CNTNAP2: variants seen among roughly 807,000 people sequenced by gnomAD.
CNTNAP2 encodes contactin-associated protein-like 2.
A neutral mutation model predicts 155.2 loss-of-function variants in CNTNAP2; 98 were observed. The observed-to-expected ratio is 0.63, with a 90% CI of 0.54 to 0.75. The LOEUF (loss-of-function observed/expected upper bound fraction) is 0.75. Ranked by LOEUF, CNTNAP2 falls within the 30% of genes least tolerant of loss-of-function variation. CNTNAP2 has a pLI of 0.00. For synonymous variants in CNTNAP2, 651 were observed against 631.2 expected (o/e 1.03, Z -0.47); for missense variants, 1,727 against 1,688.1 (o/e 1.02, Z -0.40).
chr7:147,447,884 T>C (rs1797767600), intron 10 of CNTNAP2, among the ~76,000 whole-genome samples: 1 of 152,044 alleles, frequency 6.6e-6, no homozygotes, highest in Admixed American at 6.6e-5. Context: ...ATCAAGAAAG[T>C]CCTAATTCAA....
At position 148,375,910 on chromosome 7, in the gene CNTNAP2, G is replaced by A. The variant is rs1364085357; in HGVS notation, c.3476-7739G>A. 1.2e-4 allele frequency among the ~76,000 whole-genome samples: 7 copies of A among 58,454 alleles called. 3 individuals are homozygous for A. The highest frequency in any genetic ancestry group is 1.8e-4 in the Non-Finnish European group (4 of 21,628). The allele number at this position is 58,454 out of a possible 152,430, so 38.3% of individuals were successfully genotyped here. A position where few individuals can be genotyped will look rare whatever the true frequency, so the allele number is the denominator to read the frequency against. ...CAGCTATTCGGGAGGCTGATGCAGA[G>A]AATTGCTTGAACCTGGGAGGTGGAG... On this transcript the variant is annotated intron_variant, in intron 21 of 23. Coordinates refer to ENST00000361727, the MANE Select transcript of CNTNAP2 (RefSeq NM_014141.6).
At chr7:146,718,831 C>T (rs1222988248) in intron 1 of CNTNAP2, among the ~76,000 whole-genome samples, 2 of 152,170 alleles carry the variant, frequency 1.3e-5, no homozygotes, top group East Asian at 3.9e-4. Context: ...GGATTGGTTC[C>T]TTTGACAGTT....
At chr7:147,519,361 T>C (rs950562680) in intron 11 of CNTNAP2, among the ~76,000 whole-genome samples, 1 of 152,180 alleles carries the variant, frequency 6.6e-6, no homozygotes, top group South Asian at 2.1e-4. Context: ...CTTTCACTTG[T>C]TAAGATCCTT....
intron 15 of CNTNAP2, among the ~76,000 whole-genome samples, chr7:148,113,124 TA>T (rs950547003): frequency 2.0e-5 from 3 of 152,126 alleles, no homozygotes; most frequent in African/African-American, 7.2e-5. Context: ...TGCACTGCTG[TA>T]AAAAAATACC....
chr7:146,631,070 C>G (rs1255889063), intron 1 of CNTNAP2, among the ~76,000 whole-genome samples: 4 of 151,994 alleles, frequency 2.6e-5, no homozygotes, highest in Admixed American at 2.6e-4. Flanking sequence ...CTTTAAATTT[C>G]ATATGGACAA....
chr7:147,437,406 T>C (rs976904435), intron 10 of CNTNAP2, among the ~76,000 whole-genome samples: 1 of 152,138 alleles, frequency 6.6e-6, no homozygotes, highest in Non-Finnish European at 1.5e-5. Context: ...TTAGGGAATT[T>C]TCTTTATTTG....
intron 1 of CNTNAP2, among the ~76,000 whole-genome samples, chr7:146,705,669 A>G (rs866177852): frequency 2.6e-5 from 4 of 152,144 alleles, no homozygotes; most frequent in African/African-American, 7.2e-5. Context: ...AAGGAAGAGC[A>G]AAGAGACGTC....
At chr7:147,732,281 T>C (rs1796756144) in intron 13 of CNTNAP2, among the ~76,000 whole-genome samples, 1 of 145,398 alleles carries the variant, frequency 6.9e-6, no homozygotes, top group East Asian at 2.2e-4. Context: ...AATGAGAATA[T>C]GTGGTGTTTG....
intron 21 of CNTNAP2, among the ~76,000 whole-genome samples, chr7:148,362,857 C>T (rs1376979291): frequency 6.6e-6 from 1 of 152,212 alleles, no homozygotes; most frequent in Non-Finnish European, 1.5e-5. Flanking sequence ...GTGCAACTTA[C>T]AACATTTTTA....
intron 21 of CNTNAP2, among the ~76,000 whole-genome samples, chr7:148,370,076 A>C (rs1798858933): frequency 6.6e-6 from 1 of 152,158 alleles, no homozygotes; most frequent in Non-Finnish European, 1.5e-5. Flanking sequence ...ATGACATATA[A>C]TGTGTCTTTG....
intron 14 of CNTNAP2, among the ~76,000 whole-genome samples, chr7:147,920,053 C>T (rs528674586): frequency 6.6e-6 from 1 of 151,792 alleles, no homozygotes; most frequent in Non-Finnish European, 1.5e-5. Context: ...AATAGCTTTG[C>T]AGAAACCTTA....
At chr7:146,634,114 A>G (rs1400971461) in intron 1 of CNTNAP2, among the ~76,000 whole-genome samples, 1 of 152,032 alleles carries the variant, frequency 6.6e-6, no homozygotes, top group Admixed American at 6.6e-5. Flanking sequence ...AATTTCAGTT[A>G]TTTTCTGGTA....
intron 22 of CNTNAP2, among the ~76,000 whole-genome samples, chr7:148,393,237 G>A (rs756031120): frequency 1.3e-5 from 2 of 152,038 alleles, no homozygotes; most frequent in African/African-American, 2.4e-5. Flanking sequence ...AATTATTTCT[G>A]AACAGATCCC....
rs534774430 is a variant in CNTNAP2 at position 147,038,192 on chromosome 7, G to A, written c.403-5715G>A. Among the ~76,000 whole-genome samples the A allele has an allele frequency of 7.1e-4, 108 of 152,082 alleles. No homozygotes were observed. In the South Asian group the frequency reaches 0.015, roughly 21 times the overall value. ...TATAACAATAAAAATAACAACAGAA[G>A]CACAAACTATTGATTTTGAGAATCC... is the stretch of plus-strand genomic sequence containing the variant. On this transcript the variant is annotated intron_variant, in intron 3 of 23. Coordinates refer to ENST00000361727, the MANE Select transcript of CNTNAP2 (RefSeq NM_014141.6).
chr7:146,311,673 AAG>A (rs1800825941), intron 1 of CNTNAP2: 1 of 148,936 alleles, frequency 6.7e-6, no homozygotes, highest in Non-Finnish European at 1.5e-5. Context: ...AAAGAAAGGA[AAG>A]AGAAAGAAAA....
At chr7:146,800,187 A>G (rs1009160735) in intron 2 of CNTNAP2, among the ~76,000 whole-genome samples, 5 of 152,036 alleles carry the variant, frequency 3.3e-5, no homozygotes, top group African/African-American at 1.2e-4. Context: ...ATTCAAACAG[A>G]AAGAGATTTA....
At chr7:147,328,976 G>C (rs1795508542) in intron 9 of CNTNAP2, among the ~76,000 whole-genome samples, 1 of 152,102 alleles carries the variant, frequency 6.6e-6, no homozygotes, top group Non-Finnish European at 1.5e-5. Flanking sequence ...AATAGACACA[G>C]ACCAAGAGGA....
In CNTNAP2 at chr7:147,920,053, C is replaced by A. The variant is rs528674586; in HGVS notation, c.2255+16332C>A. On this transcript the variant is annotated intron_variant, in intron 14 of 23. Transcript: ENST00000361727. ...AAAGTTCACTGGTAAAATAGCTTTG[C>A]AGAAACCTTAAAAAGTATGCCTTGG... Among the ~76,000 whole-genome samples the A allele has an allele frequency of 1.1e-4, 16 of 151,906 alleles. No individual in the cohort carries two copies. The East Asian group carries it at 2.6e-3, about 24-fold the overall frequency.
chr7:147,414,869 G>T (rs999220872), intron 10 of CNTNAP2, among the ~76,000 whole-genome samples: 3 of 150,136 alleles, frequency 2.0e-5, no homozygotes, highest in East Asian at 3.9e-4. Flanking sequence ...TGAACCTTGG[G>T]GGGTGGAGCC....
Sources: gnomAD v4.1 joint callset for allele counts (sites outside exome capture counted in the v4.1 genomes callset) on GRCh38, gnomAD v4.1.1 for gene constraint, MANE v1.5 for transcripts, NCBI Gene and HGNC (gene_info 2026-07-23, HGNC 2026-07-21) for gene names.